The following RNF144A variants were observed in gnomAD, a reference collection of about 807,000 sequenced individuals.
RNF144A encodes E3 ubiquitin-protein ligase RNF144A.
RNF144A carries 11 observed loss-of-function variants against 38.7 expected under a neutral mutation model. The observed-to-expected ratio is 0.28, with a 90% CI of 0.18 to 0.47. The LOEUF (loss-of-function observed/expected upper bound fraction) is 0.47. Ranked by LOEUF, RNF144A falls within the 20% of genes least tolerant of loss-of-function variation. The pLI is 0.99. For synonymous variants in RNF144A, 149 were observed against 143.9 expected, an observed-to-expected ratio of 1.04 and a Z score of -0.25; for missense variants, 316 against 377.2, an observed-to-expected ratio of 0.84 and a Z score of 1.34.
chr2:6,941,344 A>G lies in RNF144A; in HGVS notation c.-12+197A>G, dbSNP rs957057476. Among the ~76,000 whole-genome samples, 1 of 152,216 alleles carries G rather than the reference A, an allele frequency of 6.6e-6. No homozygotes were observed. The highest frequency in any genetic ancestry group is 2.4e-5 in the African/African-American group (1 of 41,434). ...AAGATAGTGTTCAACACATTATTTT[A>G]TGCCATCATAGTTGTTTATACTTTG... On this transcript the variant is annotated intron_variant, in intron 2 of 8. Transcript: ENST00000320892. This position sits in a 1 kb window ranked among gnomAD's most constrained non-coding sequence, Gnocchi z 6.5.
rs142745080 is a variant in RNF144A, at chr2:7,015,752, A to G, written c.301+980A>G. 4.3e-3 allele frequency among the ~76,000 whole-genome samples: 653 copies of G among 152,236 alleles called. 7 individuals are homozygous for G. The highest frequency in any genetic ancestry group is 6.5e-3 in the Non-Finnish European group (440 of 68,000). ...GCAGGCGACACTCCATATGCAGAACATCATTGTGTGGACCTTGCAGGCGGA... is the reference window on the plus strand; with the variant it reads ...GCAGGCGACACTCCATATGCAGAACGTCATTGTGTGGACCTTGCAGGCGGA... On this transcript the variant is annotated intron_variant, in intron 5 of 8. Transcript: ENST00000320892.
At chr2:7,004,381 TG>T in intron 3 of RNF144A, among the ~76,000 whole-genome samples, 1 of 152,182 alleles carries the variant, frequency 6.6e-6, no homozygotes, top group Non-Finnish European at 1.5e-5. Context: ...CCAGCTCTAT[TG>T]GCTGCACCAC....
At chr2:7,026,591 A>G (rs1671913336) in intron 7 of RNF144A, among the ~76,000 whole-genome samples, 1 of 152,128 alleles carries the variant, frequency 6.6e-6, no homozygotes, top group South Asian at 2.1e-4. Flanking sequence ...CTTTCCATAA[A>G]GAAGGAAGAA....
chr2:6,975,233 G>C (rs1037607460), intron 2 of RNF144A, among the ~76,000 whole-genome samples: 1 of 152,110 alleles, frequency 6.6e-6, no homozygotes, highest in East Asian at 1.9e-4. Flanking sequence ...CTTGTGCAGG[G>C]AAATTCCCGT....
intron 6 of RNF144A, among the ~76,000 whole-genome samples, chr2:7,062,256 A>G (rs1011123440): frequency 1.4e-4 from 22 of 152,124 alleles, no homozygotes; most frequent in African/African-American, 5.1e-4. Context: ...AGAAAAATGC[A>G]TGGTCTCTTG....
At chr2:7,071,681 G>C (rs1266300953), downstream of RNF144A, among the ~76,000 whole-genome samples, 1 of 152,210 alleles carries the variant, frequency 6.6e-6, no homozygotes, top group Non-Finnish European at 1.5e-5. Context: ...TAAGGTTTGG[G>C]ATGCTGAATG....
chr2:6,955,645 G>T (rs746475587), intron 2 of RNF144A, among the ~76,000 whole-genome samples: 22 of 152,096 alleles, frequency 1.4e-4, no homozygotes, highest in Non-Finnish European at 2.6e-4. Flanking sequence ...TTCCTTGGAT[G>T]ACCCCCAATT....
intron 2 of RNF144A, among the ~76,000 whole-genome samples, chr2:6,984,324 A>G (rs1334313010): frequency 6.6e-6 from 1 of 151,524 alleles, no homozygotes; most frequent in Non-Finnish European, 1.5e-5. Context: ...TTTTTCCAAG[A>G]AGGAGTCTTG....
Position 6,955,136 on chromosome 2 carries a change from C to T in RNF144A, c.-12+13989C>T, listed in dbSNP as rs1666921999. Among the ~76,000 whole-genome samples the T allele has an allele frequency of 2.6e-5, 4 of 152,048 alleles. No individual in the cohort carries two copies. The South Asian group carries it at 6.2e-4, about 24-fold the overall frequency. On this transcript the variant is annotated intron_variant, in intron 2 of 8. Transcript: ENST00000320892. ...AACGTTTTTTCTTTTGATTGTTTTACTCTAAGGCAACACTGTTGTGTGCAA... is the reference window on the plus strand; with the variant it reads ...AACGTTTTTTCTTTTGATTGTTTTATTCTAAGGCAACACTGTTGTGTGCAA...
At chr2:6,950,242 G>A (rs1191505331) in intron 2 of RNF144A, among the ~76,000 whole-genome samples, 1 of 152,094 alleles carries the variant, frequency 6.6e-6, no homozygotes, top group Non-Finnish European at 1.5e-5. Context: ...ATCTTTCCTT[G>A]CTATTTTAAG....
intron 2 of RNF144A, among the ~76,000 whole-genome samples, chr2:6,950,350 CGTT>C (rs1666601387): frequency 6.6e-6 from 1 of 152,140 alleles, no homozygotes; most frequent in Non-Finnish European, 1.5e-5. Context: ...GATTTAACCG[CGTT>C]GTTTTGTGTA....
chr2:6,968,282 A>C (rs1667794898), intron 2 of RNF144A, among the ~76,000 whole-genome samples: 1 of 152,258 alleles, frequency 6.6e-6, no homozygotes, highest in Non-Finnish European at 1.5e-5. Context: ...GTACAGAAAC[A>C]GAATATCCTG....
At chr2:7,009,442 A>C (rs1326263364) in intron 3 of RNF144A, among the ~76,000 whole-genome samples, 1 of 152,020 alleles carries the variant, frequency 6.6e-6, no homozygotes, top group African/African-American at 2.4e-5. Flanking sequence ...CTGTGGTGAG[A>C]GCACAGGAGG....
intron 2 of RNF144A, among the ~76,000 whole-genome samples, chr2:6,945,778 G>A (rs972507012): frequency 6.6e-6 from 1 of 152,052 alleles, no homozygotes; most frequent in African/African-American, 2.4e-5. Flanking sequence ...CCAAAACTGG[G>A]GCACAGGCCA....
rs1572305854 is a variant in RNF144A at position 6,973,490 on chromosome 2, G to A, written c.-11-23426G>A. 3.9e-5 allele frequency among the ~76,000 whole-genome samples: 6 copies of A among 152,280 alleles called. No individual in the cohort carries two copies. In the South Asian group the frequency reaches 1.2e-3, roughly 32 times the overall value. On this transcript the variant is annotated intron_variant, in intron 2 of 8. Coordinates refer to ENST00000320892, the MANE Select transcript of RNF144A (RefSeq NM_014746.6). ...GTGGCCCGGGTAGCAGGTCCTCCTG[G>A]TCACTTCACAGTACAGGGCGGGCAT...
rs560142921 is a variant in RNF144A, at chr2:7,001,070, C to T, written c.135+4009C>T. The stretch of plus-strand genomic sequence containing the variant: ...ATCCTAGCACTTTGGGAGGCTGAGG[C>T]GGGTGGATCACCTGAGGTCAGGAGT... On this transcript the variant is annotated intron_variant, in intron 3 of 8. Transcript: ENST00000320892. Among the ~76,000 whole-genome samples the T allele has an allele frequency of 6.3e-4, 96 of 151,416 alleles. 1 individual carries two copies. The highest frequency in any genetic ancestry group is 2.1e-3 in the African/African-American group (87 of 41,264).
At chr2:7,032,836 T>C (rs1419003374) in intron 8 of RNF144A, among the ~76,000 whole-genome samples, 1 of 152,216 alleles carries the variant, frequency 6.6e-6, no homozygotes, top group African/African-American at 2.4e-5. Flanking sequence ...GAGGACAGGA[T>C]TCAACCCATA....
At chr2:7,031,261 C>T (rs1167347655) in intron 8 of RNF144A, among the ~76,000 whole-genome samples, 1 of 152,166 alleles carries the variant, frequency 6.6e-6, no homozygotes, top group Non-Finnish European at 1.5e-5. Flanking sequence ...CTTGTGCTTT[C>T]AACACATATT....
At chr2:6,968,156 G>T (rs767080012) in intron 2 of RNF144A, among the ~76,000 whole-genome samples, 1 of 152,222 alleles carries the variant, frequency 6.6e-6, no homozygotes, top group Non-Finnish European at 1.5e-5. Flanking sequence ...AGTGTGGGCA[G>T]CCACCCTGTC....
Sources: gnomAD v4.1 joint callset for allele counts (sites outside exome capture counted in the v4.1 genomes callset) on GRCh38, gnomAD v4.1.1 for gene constraint, Gnocchi (gnomAD v3.1) non-coding constraint, MANE v1.5 for transcripts, NCBI Gene and HGNC (gene_info 2026-07-23, HGNC 2026-07-21) for gene names.